TBC1D2: variants seen among roughly 807,000 people sequenced by gnomAD.
The protein encoded by TBC1D2 is TBC1 domain family member 2.
In TBC1D2, 58 loss-of-function variants were observed where a neutral mutation model predicts 91.1. That is an observed-to-expected ratio of 0.64 (90% CI 0.52 to 0.79). TBC1D2 has a LOEUF of 0.79. Ranked by LOEUF, TBC1D2 falls within the 30% of genes least tolerant of loss-of-function variation. The pLI is 0.00. For missense variants in TBC1D2, 1,080 were observed against 1,208.3 expected (o/e 0.89, Z 1.57); for synonymous variants, 482 against 511.5 (o/e 0.94, Z 0.78).
chr9:98,243,984 T>A lies in TBC1D2; in HGVS notation c.647+10A>T. 6.3e-7 allele frequency: 1 copy of A among 1,597,302 alleles called. No individual in the cohort carries two copies. ...AGCTTGGCTAGCCCCTCAGCTCCAC[T>A]GGCACTTACTGTATTTCAGTCCCCA... On this transcript the variant is annotated intron_variant, in intron 3 of 12. Transcript: ENST00000465784.
chr9:98,215,568 C>T (rs1170909627), intron 6 of TBC1D2, among the ~76,000 whole-genome samples: 1 of 152,112 alleles, frequency 6.6e-6, no homozygotes, highest in Non-Finnish European at 1.5e-5. Context: ...AGTACAGTGG[C>T]GTGATCATAG....
rs1829250572 is a variant in TBC1D2, at chr9:98,227,108, C to T, written c.978+1844G>A. Among the ~76,000 whole-genome samples, 4 of 152,354 alleles carry T rather than the reference C, an allele frequency of 2.6e-5. No homozygotes were observed. In the South Asian group the frequency reaches 8.3e-4, roughly 32 times the overall value. On this transcript the variant is annotated intron_variant, in intron 5 of 12. Coordinates refer to ENST00000465784, the MANE Select transcript of TBC1D2 (RefSeq NM_001267571.2). ...CAGGGATCAAGTAGCTGCTATGGCT[C>T]TGTTTCATGCCCTCTCAGCTCTCAG...
intron 3 of TBC1D2, among the ~76,000 whole-genome samples, chr9:98,234,274 A>G (rs140871247): frequency 1.2e-3 from 187 of 152,364 alleles, no homozygotes; most frequent in African/African-American, 3.5e-3. Context: ...TGTACATGCC[A>G]GAGACCGGGC....
rs141423205 is a variant in TBC1D2 at position 98,208,996 on chromosome 9, C to T, written c.1822G>A (p.Ala608Thr). 2 of 1,614,000 alleles carry T rather than the reference C, an allele frequency of 1.2e-6. No individual in the cohort carries two copies. The highest frequency in any genetic ancestry group is 1.3e-5 in the African/African-American group (1 of 74,912). Residue 608 changes from alanine to threonine, a missense_variant, in exon 9 of 13, where the codon GCC becomes ACC. Physicochemically the swap from Ala to Thr is moderately conservative, Grantham distance 58. Transcript: ENST00000465784. ...GCTGAGGGCACAAGATCGCCCAGGG[C>T]AGCCCAGCGCTCCCTCAGCGGCCGA... Reference protein sequence around the residue: ...VDRPLRERWAALGDLVPSAEL... With the variant: ...VDRPLRERWATLGDLVPSAEL...
intron 9 of TBC1D2, among the ~76,000 whole-genome samples, chr9:98,206,765 T>C (rs1351938934): frequency 6.6e-6 from 1 of 152,196 alleles, no homozygotes; most frequent in Non-Finnish European, 1.5e-5. Context: ...TCATGTCTCA[T>C]CTGGGCATGG....
intron 1 of TBC1D2, among the ~76,000 whole-genome samples, chr9:98,253,056 C>T (rs1829904043): frequency 6.6e-6 from 1 of 152,192 alleles, no homozygotes; most frequent in Non-Finnish European, 1.5e-5. Context: ...TGCTGATGAG[C>T]TCCAGCCGAA....
intron 11 of TBC1D2, 57 bp from the exon 12 acceptor site, chr9:98,200,431 G>A (rs1031431668): frequency 1.0e-5 from 16 of 1,528,566 alleles, no homozygotes; most frequent in African/African-American, 4.1e-5. Flanking sequence ...GGTCATCCCC[G>A]GAGGGAGGGA....
chr9:98,221,876 A>G (rs1829110582), intron 5 of TBC1D2, among the ~76,000 whole-genome samples: 1 of 152,178 alleles, frequency 6.6e-6, no homozygotes, highest in East Asian at 1.9e-4. Flanking sequence ...CCACAGGAAC[A>G]TGCCAACACA....
In TBC1D2 at chr9:98,201,585, TCCACGTGGTGCTGCC is replaced by T; in HGVS notation, c.2336_2350del (p.Gly779_Val783del). ...CCAGTTGAAGGTGACGAGGGAGAGA[TCCACGTGGTGCTGCC>T]CCAGATGGGCCATCAGCCTGGGCAG... On this transcript the variant is annotated inframe_deletion, in exon 11 of 13. Transcript: ENST00000465784. 1 of 1,614,034 alleles carries T rather than the reference TCCACGTGGTGCTGCC, an allele frequency of 6.2e-7. No individual in the cohort carries two copies. The highest frequency in any genetic ancestry group is 8.5e-7 in the Non-Finnish European group (1 of 1,179,996).
chr9:98,243,889 C>G, intron 3 of TBC1D2, 105 bp downstream of exon 3: 1 of 1,437,060 alleles, frequency 7.0e-7, no homozygotes, highest in Middle Eastern at 2.3e-4. Flanking sequence ...AAGCCCATAA[C>G]CCTCTCCCGG....
chr9:98,230,151 C>T (rs1307197761), intron 4 of TBC1D2, among the ~76,000 whole-genome samples: 1 of 152,166 alleles, frequency 6.6e-6, no homozygotes, highest in Non-Finnish European at 1.5e-5. Flanking sequence ...GAAGCTTGTT[C>T]ACATGGGATA....
intron 9 of TBC1D2, among the ~76,000 whole-genome samples, chr9:98,206,303 C>G (rs780825619): frequency 7.9e-5 from 12 of 152,196 alleles, no homozygotes; most frequent in Non-Finnish European, 8.8e-5. Flanking sequence ...TACATGAATA[C>G]CAATTATCTG....
At chr9:98,229,662 A>C (rs1180192328) in intron 4 of TBC1D2, among the ~76,000 whole-genome samples, 1 of 152,268 alleles carries the variant, frequency 6.6e-6, no homozygotes, top group African/African-American at 2.4e-5. Flanking sequence ...GAGCAGCTCA[A>C]GCATTTAACT....
chr9:98,251,974 G>C (rs778470005), intron 1 of TBC1D2, 48 bp from the exon 2 acceptor site: 1 of 1,560,506 alleles, frequency 6.4e-7, no homozygotes, highest in East Asian at 2.4e-5. Context: ...CTGAAGGGTG[G>C]CACTGGGTGC....
intron 9 of TBC1D2, among the ~76,000 whole-genome samples, chr9:98,207,205 G>A (rs754754462): frequency 1.3e-5 from 2 of 152,144 alleles, no homozygotes; most frequent in African/African-American, 2.4e-5. Context: ...TGGAAATAGA[G>A]TATGAAAAAT....
In TBC1D2 at chr9:98,251,909, C is replaced by T. The variant is rs371810743; in HGVS notation, c.387G>A (p.Ala129=). 1.2e-5 allele frequency: 19 copies of T among 1,598,774 alleles called. No individual in the cohort carries two copies. The highest frequency in any genetic ancestry group is 6.8e-5 in the African/African-American group (5 of 73,658). Residue 129 remains alanine (A), a synonymous_variant, in exon 2 of 13, where the codon GCG becomes GCA. Transcript: ENST00000465784. ...GCAGCTGCTGCAGCCAGTACAGCAT[C>T]GCTTGCTTGGTGGCGGCCTGAGAAG... ...VITLKAATKQ[A]MLYWLQQLQM...
Position 98,233,428 on chromosome 9 carries a change from CG to C in TBC1D2, c.768del (p.Asp256GlufsTer21). 1 of 1,613,700 alleles carries C rather than the reference CG, an allele frequency of 6.2e-7. No homozygotes were observed. On this transcript the variant is annotated frameshift_variant, in exon 4 of 13. Transcript: ENST00000465784. LOFTEE classifies it high-confidence loss of function. The part of the protein sequence containing the change: ...PQREEQPLAS[D>X]ASTPGREPED... ...GACAGAGGCTCACCTGGGGTGCTGGCGTCAGAGGCCAAGGGCTGCTCCTCCC... is the reference window on the plus strand; with the variant it reads ...GACAGAGGCTCACCTGGGGTGCTGGCTCAGAGGCCAAGGGCTGCTCCTCCC...
At chr9:98,244,429 T>A (rs112143263) in intron 2 of TBC1D2, among the ~76,000 whole-genome samples, 1 of 151,652 alleles carries the variant, frequency 6.6e-6, no homozygotes, top group South Asian at 2.1e-4. Flanking sequence ...GAGGCTGAGA[T>A]GGGCGGATCA....
chr9:98,230,398 C>T (rs1444031988), intron 4 of TBC1D2, among the ~76,000 whole-genome samples: 1 of 152,180 alleles, frequency 6.6e-6, no homozygotes, highest in Admixed American at 6.5e-5. Context: ...ATCTCCTAAC[C>T]AAATTACTCA....
Sources: allele counts gnomAD v4.1 joint callset (sites outside exome capture counted in the v4.1 genomes callset), GRCh38; gene constraint gnomAD v4.1.1; transcripts MANE v1.5; gene names NCBI Gene and HGNC (gene_info 2026-07-23, HGNC 2026-07-21).